The following GIGYF2 variants were observed in gnomAD, a reference collection of about 807,000 sequenced individuals.
GIGYF2 encodes the protein GRB10-interacting GYF protein 2.
GIGYF2 carries 25 observed loss-of-function variants against 208.1 expected under a neutral mutation model. That is an observed-to-expected ratio of 0.12 (90% CI 0.09 to 0.17). GIGYF2 has a LOEUF of 0.17. Ranked by LOEUF, GIGYF2 falls within the 10% of genes least tolerant of loss-of-function variation. The probability of loss-of-function intolerance (pLI) is 1.00; values close to 1 mark genes in which losing one functional copy is unlikely to be tolerated. For synonymous variants in GIGYF2, 534 were observed against 543.8 expected (o/e 0.98, Z 0.25); for missense variants, 1,302 against 1,579.4 (o/e 0.82, Z 2.98).
chr2:232,852,271 C>T (rs574838927), intron 28 of GIGYF2, among the ~76,000 whole-genome samples: 200 of 152,152 alleles, frequency 1.3e-3, no homozygotes, highest in South Asian at 6.9e-3. Context: ...TGAAGCCAGA[C>T]GCGGTGACTC....
Position 232,796,198 on chromosome 2 carries a change from A to G in GIGYF2, c.1616A>G (p.Lys539Arg), listed in dbSNP as rs1296829240. 3.7e-6 allele frequency: 6 copies of G among 1,606,210 alleles called. No individual in the cohort carries two copies. The highest frequency in any genetic ancestry group is 1.7e-5 in the Admixed American group (1 of 59,996). Residue 539 changes from lysine to arginine, a missense_variant, in exon 14 of 29, where the codon AAA becomes AGA. By Grantham distance (26) the Lys-to-Arg change is conservative. This residue lies in a region of GIGYF2 where 69 missense variants were observed against 132.8 expected (regional missense o/e 0.52). Coordinates refer to ENST00000373563, the MANE Select transcript of GIGYF2 (RefSeq NM_001103146.3). ...GAAGCAATGCAGAAGTGGTATTACA[A>G]AGATCCTCAGGGAGAAATTCAAGGC... is the stretch of plus-strand genomic sequence containing the variant. ...MHEAMQKWYYKDPQGEIQGPF... is the reference protein window; with the variant it reads ...MHEAMQKWYYRDPQGEIQGPF...
At chr2:232,710,622 C>T (rs1446028378) in intron 2 of GIGYF2, among the ~76,000 whole-genome samples, 1 of 151,652 alleles carries the variant, frequency 6.6e-6, no homozygotes. Context: ...TCTTTCTGTC[C>T]TTGGAAAACG....
chr2:232,833,671 C>T (rs1224323585), intron 22 of GIGYF2, among the ~76,000 whole-genome samples: 1 of 152,146 alleles, frequency 6.6e-6, no homozygotes, highest in Non-Finnish European at 1.5e-5. Flanking sequence ...CTATTCCATA[C>T]CAGTTCAGCG....
intron 1 of GIGYF2, among the ~76,000 whole-genome samples, chr2:232,700,102 A>G (rs942685190): frequency 1.3e-5 from 2 of 152,206 alleles, no homozygotes; most frequent in African/African-American, 4.8e-5. Flanking sequence ...GGTGAGATGC[A>G]TATGTGAAAA....
intron 14 of GIGYF2, 149 bp downstream of exon 14, chr2:232,796,370 A>G (rs1700223830): frequency 4.5e-6 from 3 of 664,198 alleles, no homozygotes; most frequent in Non-Finnish European, 8.1e-6. Context: ...AGTGTTTCTG[A>G]TTTCAGATGT....
chr2:232,826,109 G>A (rs1701238618), intron 21 of GIGYF2, among the ~76,000 whole-genome samples: 1 of 152,156 alleles, frequency 6.6e-6, no homozygotes, highest in Admixed American at 6.5e-5. Flanking sequence ...TATCATTGAT[G>A]GACATTTGGG....
intron 2 of GIGYF2, among the ~76,000 whole-genome samples, chr2:232,704,985 A>G (rs1054011245): frequency 1.5e-4 from 22 of 148,038 alleles, no homozygotes; most frequent in African/African-American, 4.8e-4. Context: ...TCAGCCTCCC[A>G]AGTAGCTGGG....
chr2:232,786,085 G>A (rs534502828), intron 8 of GIGYF2, among the ~76,000 whole-genome samples: 86 of 152,312 alleles, frequency 5.6e-4, no homozygotes, highest in Middle Eastern at 3.4e-3. Flanking sequence ...TAAAATACCA[G>A]TTTAGTTTAC....
intron 2 of GIGYF2, among the ~76,000 whole-genome samples, chr2:232,718,335 G>A (rs576196965): frequency 7.9e-5 from 12 of 152,256 alleles, no homozygotes; most frequent in South Asian, 6.2e-4. Flanking sequence ...CTGACCTCAC[G>A]CGATCCACTC....
intron 21 of GIGYF2, among the ~76,000 whole-genome samples, chr2:232,831,648 T>TG (rs1350276759): frequency 6.6e-6 from 1 of 152,256 alleles, no homozygotes; most frequent in Non-Finnish European, 1.5e-5. Flanking sequence ...ATCAGCCTGT[T>TG]GTACACTTGC....
chr2:232,850,574 C>T (rs1247067901), intron 28 of GIGYF2, among the ~76,000 whole-genome samples, 165 bp downstream of exon 28: 4 of 152,104 alleles, frequency 2.6e-5, no homozygotes, highest in African/African-American at 7.2e-5. Flanking sequence ...ATTTACTGGG[C>T]GTCTCAGTGC....
intron 3 of GIGYF2, 81 bp downstream of exon 3, chr2:232,735,319 A>G (rs1697687739): frequency 6.1e-6 from 6 of 975,760 alleles, no homozygotes; most frequent in Non-Finnish European, 9.8e-6. Context: ...TAGGTGGTTT[A>G]TAAATGTGCA....
chr2:232,777,790 G>A (rs1339055179), intron 8 of GIGYF2, among the ~76,000 whole-genome samples: 1 of 151,930 alleles, frequency 6.6e-6, no homozygotes, highest in Non-Finnish European at 1.5e-5. Context: ...GTACTGGTAG[G>A]AATTATAATG....
chr2:232,761,393 C>A lies in GIGYF2; in HGVS notation c.492-3C>A. Reference sequence around the variant, plus strand: ...TGTTTGAAACTTATTTTTTCTTTTCCAGGGGTGACAGACGTTTTGAAAAAC... The same window carrying A: ...TGTTTGAAACTTATTTTTTCTTTTCAAGGGGTGACAGACGTTTTGAAAAAC... On this transcript the variant is annotated splice_region_variant and splice_polypyrimidine_tract_variant and intron_variant, in intron 7 of 28. Coordinates refer to ENST00000373563, the MANE Select transcript of GIGYF2 (RefSeq NM_001103146.3). 6.3e-7 allele frequency: 1 copy of A among 1,598,288 alleles called. No individual in the cohort carries two copies. The highest frequency in any genetic ancestry group is 1.1e-5 in the South Asian group (1 of 90,718).
chr2:232,799,871 A>G (rs1276972928), intron 14 of GIGYF2, among the ~76,000 whole-genome samples: 1 of 151,882 alleles, frequency 6.6e-6, no homozygotes. Flanking sequence ...TTCCCTAATC[A>G]TAAGGAATGT....
chr2:232,773,219 T>C (rs1362237362), intron 8 of GIGYF2, among the ~76,000 whole-genome samples: 2 of 152,212 alleles, frequency 1.3e-5, no homozygotes, highest in Non-Finnish European at 2.9e-5. Context: ...TTTTGTTAGA[T>C]TATTTTTAAA....
At chr2:232,788,591 GTGAATGTTTTGGAAGA>G in intron 9 of GIGYF2, 1 of 470,606 alleles carries the variant, frequency 2.1e-6, no homozygotes, top group Non-Finnish European at 4.4e-6. Context: ...AACAAACAAG[GTGAATGTTTTGGAAGA>G]TGAACTGTGT....
At chr2:232,816,811 C>A in intron 19 of GIGYF2, 60 bp from the exon 20 acceptor site, 1 of 1,290,758 alleles carries the variant, frequency 7.7e-7, no homozygotes, top group Non-Finnish European at 1.1e-6. Flanking sequence ...CTGGTCAGTG[C>A]TTTCGGAGTG....
At position 232,836,273 on chromosome 2, in the gene GIGYF2, T is replaced by A. The variant is rs1318084013; in HGVS notation, c.2766+3180T>A. Reference sequence around the variant, plus strand: ...GAAACCCCATCTCTACATATATATATATATATATATATATATATATATATA... The same window carrying A: ...GAAACCCCATCTCTACATATATATAAATATATATATATATATATATATATA... On this transcript the variant is annotated intron_variant, in intron 22 of 28. Coordinates refer to ENST00000373563, the MANE Select transcript of GIGYF2 (RefSeq NM_001103146.3). Among the ~76,000 whole-genome samples the A allele has an allele frequency of 2.1e-3, 3 of 1,416 alleles. No individual in the cohort carries two copies. The East Asian group carries it at 0.044, about 21-fold the overall frequency. 0.9% of individuals were successfully genotyped at this position (1,416 alleles called of 152,430 possible).
Sources: gnomAD v4.1 joint callset for allele counts (sites outside exome capture counted in the v4.1 genomes callset) on GRCh38, gnomAD v4.1.1 for gene constraint, gnomAD v4.1.1 regional missense constraint, MANE v1.5 for transcripts, NCBI Gene and HGNC (gene_info 2026-07-23, HGNC 2026-07-21) for gene names.